CDC42BPB: variants seen among roughly 807,000 people sequenced by gnomAD.
CDC42BPB encodes the protein serine/threonine-protein kinase MRCK beta.
Under a neutral mutation model 214.9 loss-of-function variants are expected in CDC42BPB, and 37 were observed. That is an observed-to-expected ratio of 0.17 (90% CI 0.13 to 0.23). The LOEUF (loss-of-function observed/expected upper bound fraction) is 0.23. Among genes scored for constraint, CDC42BPB ranks in the 10% least tolerant of loss-of-function variants. The probability of loss-of-function intolerance (pLI) is 1.00; values close to 1 mark genes in which losing one functional copy is unlikely to be tolerated. For missense variants in CDC42BPB, 1,694 were observed against 2,227.0 expected (o/e 0.76, Z 4.82); for synonymous variants, 931 against 884.0 (o/e 1.05, Z -0.94).
intron 2 of CDC42BPB, 151 bp downstream of exon 2, chr14:103,011,946 T>A: frequency 1.5e-6 from 1 of 661,334 alleles, no homozygotes; most frequent in Non-Finnish European, 2.7e-6. Flanking sequence ...TGAGACCTCA[T>A]CTTAGAAAGA....
intron 1 of CDC42BPB, among the ~76,000 whole-genome samples, chr14:103,056,796 G>A (rs937328534): frequency 1.7e-4 from 26 of 152,078 alleles, no homozygotes; most frequent in African/African-American, 6.0e-4. Context: ...CTAGCGGAGG[G>A]ACGAGGGTGC....
chr14:102,966,503 A>G, intron 17 of CDC42BPB, 116 bp from the exon 18 acceptor site: 1 of 1,500,676 alleles, frequency 6.7e-7, no homozygotes, highest in Non-Finnish European at 8.9e-7. Flanking sequence ...CACGTCAGCT[A>G]GAGTGCCCGC....
chr14:102,971,766 CAACAA>C (rs1893482771), intron 13 of CDC42BPB, among the ~76,000 whole-genome samples, 148 bp downstream of exon 13: 1 of 152,216 alleles, frequency 6.6e-6, no homozygotes, highest in Non-Finnish European at 1.5e-5. Flanking sequence ...GGAATGAGAA[CAACAA>C]AATAAATGCT....
At chr14:103,044,910 A>G (rs946872191) in intron 1 of CDC42BPB, among the ~76,000 whole-genome samples, 1 of 151,198 alleles carries the variant, frequency 6.6e-6, no homozygotes, top group Admixed American at 6.6e-5. Flanking sequence ...AAATTGAAGT[A>G]TAAGATGGGT....
chr14:103,004,307 A>C lies in CDC42BPB; in HGVS notation c.352-284T>G. 1 of 555,920 alleles carries C rather than the reference A, an allele frequency of 1.8e-6. No individual in the cohort carries two copies. Among genetic ancestry groups the C allele is most frequent in the Non-Finnish European group, 2.5e-6 (1 of 394,924 alleles). The allele number at this position is 555,920 out of a possible 1,614,324, so 34.4% of individuals were successfully genotyped here. A position where few individuals can be genotyped will look rare whatever the true frequency, so the allele number is the denominator to read the frequency against. Reference sequence around the variant, plus strand: ...TGACACTTAGATTCACCCCACCCTTATGTGGATTCCTGACTGGGCTCCTCC... The same window carrying C: ...TGACACTTAGATTCACCCCACCCTTCTGTGGATTCCTGACTGGGCTCCTCC... On this transcript the variant is annotated intron_variant, in intron 3 of 36. Transcript: ENST00000361246. This position sits in a 1 kb window ranked among gnomAD's most constrained non-coding sequence, Gnocchi z 5.3.
In CDC42BPB at chr14:102,939,821, C is replaced by T. The variant is rs748499505; in HGVS notation, c.4709+9G>A. ...AGGCCCAGCAGGCCCCGTGAGGCCCCGCTCCTACCGCCTCTGCTGCAGTCT... is the reference window on the plus strand; with the variant it reads ...AGGCCCAGCAGGCCCCGTGAGGCCCTGCTCCTACCGCCTCTGCTGCAGTCT... On this transcript the variant is annotated intron_variant, in intron 33 of 36. Transcript: ENST00000361246. The T allele has an allele frequency of 9.9e-6, 16 of 1,613,926 alleles. No homozygotes were observed. The highest frequency in any genetic ancestry group is 2.7e-5 in the African/African-American group (2 of 74,946).
At chr14:103,042,257 G>T (rs886768984) in intron 1 of CDC42BPB, among the ~76,000 whole-genome samples, 2 of 152,080 alleles carry the variant, frequency 1.3e-5, no homozygotes, top group Non-Finnish European at 2.9e-5. Flanking sequence ...GTCCAATATG[G>T]GGCTTGTATC....
intron 36 of CDC42BPB, among the ~76,000 whole-genome samples, chr14:102,937,493 C>T (rs1347476966): frequency 2.0e-5 from 3 of 152,242 alleles, no homozygotes; most frequent in Non-Finnish European, 2.9e-5. Flanking sequence ...ATGGCCCCTC[C>T]GCCTGCATCC....
intron 36 of CDC42BPB, among the ~76,000 whole-genome samples, chr14:102,934,952 G>A (rs967892748): frequency 7.3e-5 from 11 of 151,258 alleles, no homozygotes; most frequent in Non-Finnish European, 1.5e-5. Flanking sequence ...GGAGCTTGCA[G>A]TGAGCCGAGA....
chr14:103,007,755 G>T (rs932335277), intron 3 of CDC42BPB, among the ~76,000 whole-genome samples: 1 of 151,560 alleles, frequency 6.6e-6, no homozygotes, highest in Non-Finnish European at 1.5e-5. Context: ...CGGGAGTCAC[G>T]GGAGAGGATG....
At position 102,980,977 on chromosome 14, in the gene CDC42BPB, T is replaced by C. The variant is rs1254977593; in HGVS notation, c.936A>G (p.Glu312=). The C allele has an allele frequency of 1.2e-6, 2 of 1,614,186 alleles. No homozygotes were observed. Among genetic ancestry groups the C allele is most frequent in the Middle Eastern group, 1.6e-4 (1 of 6,062 alleles). Reference sequence around the variant, plus strand: ...TCAGTCTCTGGATGAGGTCCTTCGCTTCTTCAGATACATCCGTGACATGGG... The same window carrying C: ...TCAGTCTCTGGATGAGGTCCTTCGCCTCTTCAGATACATCCGTGACATGGG... ...FPSHVTDVSE[E]AKDLIQRLIC... Residue 312 remains glutamate (E), a synonymous_variant, in exon 8 of 37, where the codon GAA becomes GAG. Transcript: ENST00000361246.
At chr14:102,982,353 C>G (rs889592897) in intron 7 of CDC42BPB, among the ~76,000 whole-genome samples, 1 of 152,198 alleles carries the variant, frequency 6.6e-6, no homozygotes, top group African/African-American at 2.4e-5. Flanking sequence ...GTGGGAGGCC[C>G]TGGCTGGAGG....
chr14:102,945,791 C>G, intron 28 of CDC42BPB, 67 bp from the exon 29 acceptor site: 1 of 1,363,370 alleles, frequency 7.3e-7, no homozygotes, highest in South Asian at 1.2e-5. Flanking sequence ...GGTTTGAATG[C>G]GTGGGTGGGC....
chr14:103,039,227 C>G (rs2139738659), intron 1 of CDC42BPB, among the ~76,000 whole-genome samples: 1 of 147,090 alleles, frequency 6.8e-6, no homozygotes, highest in South Asian at 2.2e-4. Flanking sequence ...TCTTCACACT[C>G]TTCCAGAAAA....
chr14:103,052,821 T>C (rs938936464), intron 1 of CDC42BPB, among the ~76,000 whole-genome samples: 1 of 152,194 alleles, frequency 6.6e-6, no homozygotes, highest in African/African-American at 2.4e-5. Flanking sequence ...CCAATGCCCA[T>C]AGGCTAGGAT....
At chr14:103,037,339 C>A (rs1887719484) in intron 1 of CDC42BPB, among the ~76,000 whole-genome samples, 1 of 152,012 alleles carries the variant, frequency 6.6e-6, no homozygotes, top group South Asian at 2.1e-4. Flanking sequence ...GTCACCCAGG[C>A]TGGAGTACAG....
At chr14:102,941,112 G>A (rs915701075) in intron 30 of CDC42BPB, 5 of 985,044 alleles carry the variant, frequency 5.1e-6, no homozygotes, top group Admixed American at 6.1e-5. Flanking sequence ...AGCGGTGTGC[G>A]TCTTCCGCTC....
At chr14:102,934,338 T>C (rs1028704622) in intron 36 of CDC42BPB, among the ~76,000 whole-genome samples, 1 of 151,900 alleles carries the variant, frequency 6.6e-6, no homozygotes, top group Non-Finnish European at 1.5e-5. Context: ...ATTGGGACCA[T>C]CCTGGCTAAC....
Position 102,976,021 on chromosome 14 carries a change from T to A in CDC42BPB, c.1249A>T (p.Ser417Cys). The A allele has an allele frequency of 6.2e-7, 1 of 1,613,456 alleles. No homozygotes were observed. Among genetic ancestry groups the A allele is most frequent in the South Asian group, 1.1e-5 (1 of 91,016 alleles). ...GTTAATGTGTTGGACTGCATTATGC[T>A]CTTCAGAGAGCCTCGATCAGAAAAA... The part of the protein sequence containing the change: ...SCFSDRGSLK[S>C]IMQSNTLTKD... The change falls in exon 10 of 37, where the codon AGC becomes TGC. Residue 417 changes from serine (S) to cysteine (C), a missense_variant. Around this residue, in one of 7 missense-constraint regions of CDC42BPB, gnomAD observed 462 missense variants for 513.5 expected, o/e 0.90. Coordinates refer to ENST00000361246, the MANE Select transcript of CDC42BPB (RefSeq NM_006035.4).
Sources: allele counts gnomAD v4.1 joint callset (sites outside exome capture counted in the v4.1 genomes callset), GRCh38; gene constraint gnomAD v4.1.1; regional missense constraint gnomAD v4.1.1; non-coding constraint Gnocchi (gnomAD v3.1); transcripts MANE v1.5; gene names NCBI Gene and HGNC (gene_info 2026-07-23, HGNC 2026-07-21).